The following PTPN14 variants were observed in gnomAD, a reference collection of about 807,000 sequenced individuals.
The protein encoded by PTPN14 is tyrosine-protein phosphatase non-receptor type 14.
A neutral mutation model predicts 126.8 loss-of-function variants in PTPN14; 53 were observed. The observed-to-expected ratio is 0.42, with a 90% confidence interval of 0.34 to 0.53. The LOEUF (loss-of-function observed/expected upper bound fraction) is 0.53, where lower values mean the gene tolerates loss of function less well. Ranked by LOEUF, PTPN14 falls within the 20% of genes least tolerant of loss-of-function variation. The pLI, the probability that PTPN14 is intolerant of heterozygous loss-of-function variation, is 0.08. For synonymous variants in PTPN14, 630 were observed against 599.3 expected (o/e 1.05, Z -0.75); for missense variants, 1,257 against 1,552.9 (o/e 0.81, Z 3.20).
chr1:214,422,683 C>T (rs138137347), intron 3 of PTPN14, among the ~76,000 whole-genome samples: 1 of 152,262 alleles, frequency 6.6e-6, no homozygotes, highest in Non-Finnish European at 1.5e-5. Context: ...TGGTGAGCTA[C>T]CAGGCGGAAA....
intron 2 of PTPN14, among the ~76,000 whole-genome samples, chr1:214,458,354 T>G (rs893552122): frequency 6.6e-6 from 1 of 152,048 alleles, no homozygotes; most frequent in Non-Finnish European, 1.5e-5. Flanking sequence ...CCCCAGTTTC[T>G]AATAATTAAA....
At chr1:214,411,844 C>T (rs1048601679) in intron 4 of PTPN14, 93 bp from the exon 5 acceptor site, 3 of 676,502 alleles carry the variant, frequency 4.4e-6, no homozygotes, top group Middle Eastern at 3.9e-4. Flanking sequence ...TTATTCTTCA[C>T]ATTTCATCCT....
At chr1:214,436,081 A>T (rs780221924) in intron 3 of PTPN14, among the ~76,000 whole-genome samples, 11 of 152,236 alleles carry the variant, frequency 7.2e-5, no homozygotes, top group Non-Finnish European at 1.2e-4. Context: ...TGACAAGATC[A>T]TGTCCTCTGC....
At chr1:214,407,530 T>C (rs757074231) in intron 5 of PTPN14, among the ~76,000 whole-genome samples, 1 of 151,728 alleles carries the variant, frequency 6.6e-6, no homozygotes, top group South Asian at 2.1e-4. Context: ...GAGTTATTCA[T>C]GAAAAGTTAG....
chr1:214,364,244 C>T lies in PTPN14; in HGVS notation c.3435+268G>A, dbSNP rs891140195. Among the ~76,000 whole-genome samples, 1 of 152,088 alleles carries T rather than the reference C, an allele frequency of 6.6e-6. No homozygotes were observed. Among genetic ancestry groups the T allele is most frequent in the African/African-American group, 2.4e-5 (1 of 41,392 alleles). Reference sequence around the variant, plus strand: ...GCCAAAGACTTCTGGAAGTAGATGCCGCCTAAGATCACATTTTCTAAGTGT... The same window carrying T: ...GCCAAAGACTTCTGGAAGTAGATGCTGCCTAAGATCACATTTTCTAAGTGT... On this transcript the variant is annotated intron_variant, in intron 18 of 18. Coordinates refer to ENST00000366956, the MANE Select transcript of PTPN14 (RefSeq NM_005401.5). The surrounding 1 kb of genome is among the most constrained non-coding windows in gnomAD (Gnocchi z 4.1).
intron 3 of PTPN14, among the ~76,000 whole-genome samples, chr1:214,424,960 T>A (rs1474331981): frequency 6.6e-6 from 1 of 151,308 alleles, no homozygotes; most frequent in Non-Finnish European, 1.5e-5. Context: ...TGCCTATCCA[T>A]CTCTGTTTTT....
intron 1 of PTPN14, among the ~76,000 whole-genome samples, chr1:214,547,910 G>GAAAA (rs57550281): frequency 3.2e-5 from 4 of 125,526 alleles, no homozygotes; most frequent in African/African-American, 1.1e-4. Context: ...CCAATAGACT[G>GAAAA]AAAAAAAAAA....
At chr1:214,365,784 CGAT>C (rs758532381) in intron 17 of PTPN14, among the ~76,000 whole-genome samples, 15 of 152,068 alleles carry the variant, frequency 9.9e-5, no homozygotes, top group Admixed American at 3.3e-4. Flanking sequence ...ACTACTACTA[CGAT>C]GATGATGACT....
chr1:214,456,220 C>A, intron 2 of PTPN14, among the ~76,000 whole-genome samples: 1 of 152,156 alleles, frequency 6.6e-6, no homozygotes, highest in East Asian at 1.9e-4. Flanking sequence ...CATCCAGAAG[C>A]AAAAGTTTAA....
chr1:214,363,863 A>G (rs566935910), intron 18 of PTPN14, among the ~76,000 whole-genome samples: 1 of 152,194 alleles, frequency 6.6e-6, no homozygotes, highest in African/African-American at 2.4e-5. Context: ...TCTCAGTGTA[A>G]CTCCCTAATC....
At chr1:214,529,603 G>C (rs1655489109) in intron 1 of PTPN14, 1 of 152,204 alleles carries the variant, frequency 6.6e-6, no homozygotes, top group Non-Finnish European at 1.5e-5. Context: ...ACAAACATGT[G>C]CTGGGGACGG....
At chr1:214,550,359 C>G (rs1656077058) in intron 1 of PTPN14, among the ~76,000 whole-genome samples, 1 of 152,172 alleles carries the variant, frequency 6.6e-6, no homozygotes, top group African/African-American at 2.4e-5. Flanking sequence ...AGTCCCTAGA[C>G]TTAAGCGGAA....
rs939268862 is a variant in PTPN14, at chr1:214,496,478, T to C, written c.-154-31521A>G. Among the ~76,000 whole-genome samples the C allele has an allele frequency of 5.9e-5, 9 of 152,332 alleles. No individual in the cohort carries two copies. In the South Asian group the frequency reaches 6.2e-4, roughly 11 times the overall value. ...AAACCCCTCGGGGAAAATGAGTTACTAGTACCTGCCCTGCTCCCCAAACTT... is the reference window on the plus strand; with the variant it reads ...AAACCCCTCGGGGAAAATGAGTTACCAGTACCTGCCCTGCTCCCCAAACTT... On this transcript the variant is annotated intron_variant, in intron 1 of 18. Coordinates refer to ENST00000366956, the MANE Select transcript of PTPN14 (RefSeq NM_005401.5).
At chr1:214,518,635 T>G (rs1360309984) in intron 1 of PTPN14, among the ~76,000 whole-genome samples, 1 of 152,114 alleles carries the variant, frequency 6.6e-6, no homozygotes, top group African/African-American at 2.4e-5. Context: ...CTGAAACCAT[T>G]TAAAATCCCA....
At chr1:214,473,435 T>C (rs1354008271) in intron 1 of PTPN14, among the ~76,000 whole-genome samples, 1 of 152,252 alleles carries the variant, frequency 6.6e-6, no homozygotes, top group South Asian at 2.1e-4. Flanking sequence ...TGCTATGCTA[T>C]GTATACTTAA....
At chr1:214,491,906 T>C (rs1449018842) in intron 1 of PTPN14, among the ~76,000 whole-genome samples, 1 of 152,152 alleles carries the variant, frequency 6.6e-6, no homozygotes, top group African/African-American at 2.4e-5. Flanking sequence ...GTTTAGTTAC[T>C]ACACTCGATC....
intron 2 of PTPN14, among the ~76,000 whole-genome samples, chr1:214,458,647 G>A (rs1458773950): frequency 1.3e-5 from 2 of 152,066 alleles, no homozygotes; most frequent in Non-Finnish European, 2.9e-5. Flanking sequence ...CTAGTAAATG[G>A]CAGAACCAGG....
chr1:214,544,079 A>G (rs1022724108), intron 1 of PTPN14, among the ~76,000 whole-genome samples: 1 of 152,252 alleles, frequency 6.6e-6, no homozygotes, highest in Non-Finnish European at 1.5e-5. Flanking sequence ...GTAAACAAGC[A>G]TAATATGGTA....
chr1:214,533,100 C>T (rs558981621), intron 1 of PTPN14: 3 of 731,926 alleles, frequency 4.1e-6, no homozygotes, highest in Admixed American at 1.9e-5. Flanking sequence ...CCTTGGAGAT[C>T]GACCTGGACT....
Sources: allele counts gnomAD v4.1 joint callset (sites outside exome capture counted in the v4.1 genomes callset), GRCh38; gene constraint gnomAD v4.1.1; non-coding constraint Gnocchi (gnomAD v3.1); transcripts MANE v1.5; gene names NCBI Gene and HGNC (gene_info 2026-07-23, HGNC 2026-07-21).